Variants in AP3B1 observed in about 807,000 individuals in gnomAD.
AP3B1 encodes adaptor related protein complex 3 subunit beta 1.
AP3B1 carries 61 observed loss-of-function variants against 132.5 expected under a neutral mutation model. That is an observed-to-expected ratio of 0.46 (90% CI 0.37 to 0.57). The LOEUF (loss-of-function observed/expected upper bound fraction) is 0.57, where lower values mean the gene tolerates loss of function less well. Among genes scored for constraint, AP3B1 ranks in the 20% least tolerant of loss-of-function variants. The pLI, the probability that AP3B1 is intolerant of heterozygous loss-of-function variation, is 0.00. For missense variants in AP3B1, 1,120 were observed against 1,289.4 expected (o/e 0.87, Z 2.01); for synonymous variants, 388 against 438.3 (o/e 0.89, Z 1.43).
At chr5:78,283,002 T>C (rs576527094) in intron 1 of AP3B1, among the ~76,000 whole-genome samples, 22 of 152,280 alleles carry the variant, frequency 1.4e-4, no homozygotes, top group Non-Finnish European at 2.9e-4. Flanking sequence ...ATTGTGTCTC[T>C]TAAAACCAAA....
intron 26 of AP3B1, 134 bp from the exon 27 acceptor site, chr5:78,003,189 A>T (rs994453591): frequency 1.9e-6 from 2 of 1,034,414 alleles, no homozygotes; most frequent in Non-Finnish European, 2.8e-6. Flanking sequence ...ATTGCCAAAA[A>T]CCCAAAGCCA....
At chr5:78,034,588 T>C (rs1197798071) in intron 23 of AP3B1, 143 bp from the exon 24 acceptor site, 1 of 680,476 alleles carries the variant, frequency 1.5e-6, no homozygotes, top group Admixed American at 2.5e-5. Flanking sequence ...ACTAAGAATA[T>C]TAAAGCAAAT....
chr5:78,038,901 A>C, intron 23 of AP3B1, 142 bp downstream of exon 23: 1 of 624,972 alleles, frequency 1.6e-6, no homozygotes, highest in East Asian at 2.8e-5. Flanking sequence ...AAGAAAAAGC[A>C]AATATAAACT....
At chr5:78,004,915 T>C (rs932233548) in intron 26 of AP3B1, among the ~76,000 whole-genome samples, 4 of 152,232 alleles carry the variant, frequency 2.6e-5, no homozygotes, top group Admixed American at 1.3e-4. Context: ...TGAGAGATTA[T>C]GAACTAGGTA....
At chr5:78,248,750 T>A (rs1385941514) in intron 2 of AP3B1, among the ~76,000 whole-genome samples, 1 of 152,204 alleles carries the variant, frequency 6.6e-6, no homozygotes, top group Non-Finnish European at 1.5e-5. Flanking sequence ...AAAGTAAACA[T>A]GTTAGAAATG....
chr5:78,013,955 A>G (rs529376535), intron 26 of AP3B1, among the ~76,000 whole-genome samples: 35 of 152,284 alleles, frequency 2.3e-4, no homozygotes, highest in African/African-American at 8.2e-4. Flanking sequence ...TGAGGTCAGG[A>G]GATCGAGACC....
intron 22 of AP3B1, among the ~76,000 whole-genome samples, chr5:78,045,160 C>G (rs1413675006): frequency 6.6e-6 from 1 of 152,092 alleles, no homozygotes; most frequent in Non-Finnish European, 1.5e-5. Flanking sequence ...ATGGGTGGAT[C>G]ACTTGAGGTC....
intron 26 of AP3B1, chr5:78,003,513 TAA>T (rs963431122): frequency 2.9e-6 from 2 of 679,974 alleles, no homozygotes; most frequent in Non-Finnish European, 3.6e-6. Flanking sequence ...GATTATGTAA[TAA>T]GTTAGATAAT....
intron 13 of AP3B1, among the ~76,000 whole-genome samples, chr5:78,160,118 C>T (rs1301278386): frequency 6.6e-6 from 1 of 152,038 alleles, no homozygotes; most frequent in Non-Finnish European, 1.5e-5. Context: ...ATATATTTGT[C>T]TTATATTACT....
chr5:78,165,475 G>A, intron 12 of AP3B1, 135 bp downstream of exon 12: 1 of 649,756 alleles, frequency 1.5e-6, no homozygotes. Context: ...GCAAATTTAT[G>A]AATTTCTTAG....
chr5:78,212,767 T>C (rs779733285), intron 7 of AP3B1, among the ~76,000 whole-genome samples: 21 of 152,222 alleles, frequency 1.4e-4, no homozygotes, highest in East Asian at 3.8e-4. Flanking sequence ...CTACATGGTG[T>C]TCCTTTTACA....
intron 22 of AP3B1, among the ~76,000 whole-genome samples, chr5:78,068,353 G>GA (rs1368253210): frequency 9.9e-5 from 14 of 141,932 alleles, no homozygotes; most frequent in East Asian, 4.1e-4. Flanking sequence ...GCAGAAAGAA[G>GA]AAGAAAGAAG....
intron 7 of AP3B1, among the ~76,000 whole-genome samples, chr5:78,187,782 C>T (rs1035342537): frequency 6.6e-6 from 1 of 152,130 alleles, no homozygotes. Flanking sequence ...CAAGACAATG[C>T]TAAGCAAAAA....
rs139840021 is a variant in AP3B1, at chr5:78,126,088, G to GA, written c.1968+1941dup. ...GCTAAAACATCATGTACCCCATAATGAAAAAAAAAAACGAACCATAAAAAC... is the reference window on the plus strand; with the variant it reads ...GCTAAAACATCATGTACCCCATAATGAAAAAAAAAAAACGAACCATAAAAAC... On this transcript the variant is annotated intron_variant, in intron 17 of 26. Coordinates refer to ENST00000255194, the MANE Select transcript of AP3B1 (RefSeq NM_003664.5). Among the ~76,000 whole-genome samples the GA allele has an allele frequency of 1.4e-3, 189 of 138,496 alleles. 2 individuals carry two copies. The highest frequency in any genetic ancestry group is 6.1e-3 in the South Asian group (26 of 4,240). 90.9% of individuals were successfully genotyped at this position (138,496 alleles called of 152,430 possible).
chr5:78,270,298 G>A (rs1748497285), intron 1 of AP3B1, among the ~76,000 whole-genome samples: 1 of 152,048 alleles, frequency 6.6e-6, no homozygotes, highest in African/African-American at 2.4e-5. Context: ...AAAGAAAAAA[G>A]AAAGGACTTT....
intron 25 of AP3B1, among the ~76,000 whole-genome samples, chr5:78,020,273 G>T (rs1250622013): frequency 6.6e-6 from 1 of 152,032 alleles, no homozygotes; most frequent in Non-Finnish European, 1.5e-5. Context: ...AGTTTAATGT[G>T]TGCAGGGACA....
At chr5:78,190,471 A>G (rs1158559163) in intron 7 of AP3B1, among the ~76,000 whole-genome samples, 1 of 152,202 alleles carries the variant, frequency 6.6e-6, no homozygotes, top group Non-Finnish European at 1.5e-5. Context: ...CCAACAACAT[A>G]TTTGAATCTG....
chr5:78,257,684 T>C (rs1451597486), intron 2 of AP3B1, among the ~76,000 whole-genome samples: 1 of 152,202 alleles, frequency 6.6e-6, no homozygotes, highest in Non-Finnish European at 1.5e-5. Flanking sequence ...AAAATTTATA[T>C]GGAACCACAA....
intron 2 of AP3B1, among the ~76,000 whole-genome samples, chr5:78,260,584 A>ATAAAAAATCTCAAAAAT (rs1748048132): frequency 6.6e-6 from 1 of 151,958 alleles, no homozygotes; most frequent in African/African-American, 2.4e-5. Context: ...ACGGAGCGAG[A>ATAAAAAATCTCAAAAAT]CTCCATCTCA....
Sources: allele counts gnomAD v4.1 joint callset (sites outside exome capture counted in the v4.1 genomes callset), GRCh38; gene constraint gnomAD v4.1.1; transcripts MANE v1.5; gene names NCBI Gene and HGNC (gene_info 2026-07-23, HGNC 2026-07-21).